Variants in ASB3 observed in about 807,000 individuals in gnomAD.
The protein encoded by ASB3 is ankyrin repeat and SOCS box protein 3.
ASB3 carries 41 observed loss-of-function variants against 54.5 expected under a neutral mutation model. The observed-to-expected ratio is 0.75, with a 90% CI of 0.59 to 0.98. The LOEUF is 0.98. ASB3 is among the 50% of genes least tolerant of loss of function. The probability of loss-of-function intolerance (pLI) is 0.00; values close to 1 mark genes in which losing one functional copy is unlikely to be tolerated. For synonymous variants in ASB3, 266 were observed against 221.2 expected (o/e 1.20, Z -1.80); for missense variants, 733 against 620.0 (o/e 1.18, Z -1.94).
chr2:53,781,006 TTAAG>T (rs1196811591), intron 1 of ASB3, among the ~76,000 whole-genome samples: 1 of 152,228 alleles, frequency 6.6e-6, no homozygotes, highest in Non-Finnish European at 1.5e-5. Context: ...TGAAAATTGC[TTAAG>T]TAAAACAAAT....
chr2:53,762,941 T>C (rs1031074240), intron 2 of ASB3, among the ~76,000 whole-genome samples: 6 of 152,350 alleles, frequency 3.9e-5, no homozygotes, highest in Non-Finnish European at 8.8e-5. Context: ...GAAGAGACAG[T>C]GAAGCAAAAC....
intron 2 of ASB3, among the ~76,000 whole-genome samples, chr2:53,762,696 G>C (rs1673212008): frequency 6.6e-6 from 1 of 152,114 alleles, no homozygotes; most frequent in South Asian, 2.1e-4. Context: ...AGGATGACAA[G>C]CTTCATAAAA....
At chr2:53,712,656 C>T (rs570009381) in intron 7 of ASB3, among the ~76,000 whole-genome samples, 5 of 152,036 alleles carry the variant, frequency 3.3e-5, no homozygotes, top group African/African-American at 4.8e-5. Context: ...GGTGATGAGG[C>T]GTGAGCTTAG....
intron 8 of ASB3, among the ~76,000 whole-genome samples, chr2:53,697,851 T>C (rs569676014): frequency 6.6e-6 from 1 of 152,282 alleles, no homozygotes. Flanking sequence ...CCTATGACTT[T>C]GCTAGGCTCA....
intron 2 of ASB3, among the ~76,000 whole-genome samples, chr2:53,762,157 G>C (rs1340009897): frequency 6.6e-6 from 1 of 151,170 alleles, no homozygotes; most frequent in Non-Finnish European, 1.5e-5. Flanking sequence ...TAATGGTAGT[G>C]AGAAGTGATC....
At chr2:53,775,980 A>T (rs942070121) in intron 1 of ASB3, among the ~76,000 whole-genome samples, 2 of 152,210 alleles carry the variant, frequency 1.3e-5, no homozygotes, top group Non-Finnish European at 2.9e-5. Context: ...ATTAACTTTG[A>T]TTCAAACCAT....
Position 53,674,829 on chromosome 2 carries a change from C to G in ASB3, c.1370-4139G>C, listed in dbSNP as rs145262833. On this transcript the variant is annotated intron_variant, in intron 9 of 9. Coordinates refer to ENST00000263634, the MANE Select transcript of ASB3 (RefSeq NM_016115.5). ...CTCTCTCATTGACTATAACTAAAAC[C>G]GCTAGAAAAAACACAAAAAGCAAGT... is the stretch of plus-strand genomic sequence containing the variant. Among the ~76,000 whole-genome samples, 1,366 of 151,958 alleles carry G rather than the reference C, an allele frequency of 9.0e-3. 23 individuals carry two copies. The highest frequency in any genetic ancestry group is 0.031 in the African/African-American group (1,295 of 41,424).
chr2:53,701,382 C>T (rs1251853868), intron 7 of ASB3, among the ~76,000 whole-genome samples: 1 of 152,158 alleles, frequency 6.6e-6, no homozygotes, highest in Non-Finnish European at 1.5e-5. Context: ...GATGCAAAAA[C>T]TGAAGCTGAG....
At chr2:53,684,970 G>A (rs1179178593) in intron 9 of ASB3, among the ~76,000 whole-genome samples, 1 of 152,106 alleles carries the variant, frequency 6.6e-6, no homozygotes, top group Non-Finnish European at 1.5e-5. Flanking sequence ...TTAATGTCTT[G>A]GAGAAAATGT....
intron 5 of ASB3, among the ~76,000 whole-genome samples, chr2:53,720,328 C>A (rs1311195897): frequency 5.3e-5 from 8 of 152,136 alleles, no homozygotes; most frequent in African/African-American, 1.9e-4. Context: ...GTTGCCAGGA[C>A]CTCCTGAGGC....
intron 1 of ASB3, among the ~76,000 whole-genome samples, chr2:53,785,433 T>TA (rs66716085): frequency 0.34 from 49,983 of 147,870 alleles, 8,355 homozygotes; most frequent in South Asian, 0.48. Flanking sequence ...GAATAAATGC[T>TA]AAAAAAAAAA....
chr2:53,773,660 A>T (rs1350926928), intron 1 of ASB3, among the ~76,000 whole-genome samples: 1 of 151,436 alleles, frequency 6.6e-6, no homozygotes, highest in Non-Finnish European at 1.5e-5. Flanking sequence ...TCCACTCCTG[A>T]CCTCGTGATC....
chr2:53,707,828 G>A lies in ASB3; in HGVS notation c.980+6556C>T, dbSNP rs772231036. ...AATACAAAAATTAGCCGGGTATGGT[G>A]TCACATACCTGTAATCCCAGCTATT... On this transcript the variant is annotated intron_variant, in intron 7 of 9. Transcript: ENST00000263634. Among the ~76,000 whole-genome samples, 15 of 151,778 alleles carry A rather than the reference G, an allele frequency of 9.9e-5. 1 individual carries two copies. The highest frequency in any genetic ancestry group is 5.9e-4 in the Admixed American group (9 of 15,252).
At chr2:53,749,206 A>G (rs1028229061) in intron 3 of ASB3, among the ~76,000 whole-genome samples, 1 of 152,136 alleles carries the variant, frequency 6.6e-6, no homozygotes, top group Non-Finnish European at 1.5e-5. Flanking sequence ...ATAGATGCTC[A>G]ACATCATTGG....
At chr2:53,754,867 T>C (rs1672727817) in intron 2 of ASB3, among the ~76,000 whole-genome samples, 1 of 152,202 alleles carries the variant, frequency 6.6e-6, no homozygotes, top group African/African-American at 2.4e-5. Context: ...CACTATAAAT[T>C]AGTTTTGAAA....
At chr2:53,717,541 T>A (rs1233833371) in intron 5 of ASB3, among the ~76,000 whole-genome samples, 1 of 151,778 alleles carries the variant, frequency 6.6e-6, no homozygotes, top group Non-Finnish European at 1.5e-5. Context: ...AAGAAAAAAA[T>A]CCCACCTGCA....
At chr2:53,777,594 T>C in intron 1 of ASB3, among the ~76,000 whole-genome samples, 1 of 152,224 alleles carries the variant, frequency 6.6e-6, no homozygotes, top group East Asian at 1.9e-4. Flanking sequence ...GGAAACTTAT[T>C]GTACTAAAAC....
chr2:53,720,340 G>A (rs1337574655), intron 5 of ASB3, among the ~76,000 whole-genome samples: 1 of 152,186 alleles, frequency 6.6e-6, no homozygotes, highest in Non-Finnish European at 1.5e-5. Context: ...TCCTGAGGCT[G>A]TGTCACAGGC....
chr2:53,716,457 G>A lies in ASB3; in HGVS notation c.782+109C>T. The stretch of plus-strand genomic sequence containing the variant: ...ATCTGTTCACCCAGCAGATTGGTAG[G>A]GAAGAGAATATCAAAGACTTTGCCT... On this transcript the variant is annotated intron_variant, in intron 6 of 9. Transcript: ENST00000263634. The A allele has an allele frequency of 5.2e-6, 7 of 1,357,040 alleles. No individual in the cohort carries two copies. The East Asian group carries it at 1.2e-4, about 23-fold the overall frequency. The allele number at this position is 1,357,040 out of a possible 1,614,324, so 84.1% of individuals were successfully genotyped here. A position where few individuals can be genotyped will look rare whatever the true frequency, so the allele number is the denominator to read the frequency against.
Sources: allele counts gnomAD v4.1 joint callset (sites outside exome capture counted in the v4.1 genomes callset), GRCh38; gene constraint gnomAD v4.1.1; transcripts MANE v1.5; gene names NCBI Gene and HGNC (gene_info 2026-07-23, HGNC 2026-07-21).